Variants in CPXCR1 observed in about 807,000 individuals in gnomAD.
CPXCR1 encodes the protein CPX chromosome region candidate 1, also known as CPX chromosomal region candidate gene 1 protein.
A neutral mutation model predicts 13.8 loss-of-function variants in CPXCR1; 15 were observed. The observed-to-expected ratio is 1.09, with a 90% CI of 0.73 to 1.67. The LOEUF is 1.67. Ranked by LOEUF, CPXCR1 falls within the 40% of genes most tolerant of loss-of-function variation. The pLI is 0.00. For synonymous variants in CPXCR1, 70 were observed against 76.7 expected (o/e 0.91, Z 0.46); for missense variants, 247 against 223.6 (o/e 1.10, Z -0.67).
chrX:88,754,520 G>T lies in CPXCR1; in HGVS notation c.*200G>T. The stretch of plus-strand genomic sequence containing the variant: ...ATCTGTTTATACTTTGCTTTTACAA[G>T]TACATCATTGAAATATCAGACCTGT... On this transcript the variant is annotated 3_prime_UTR_variant, in exon 3 of 3. Transcript: ENST00000276127. The T allele has an allele frequency of 3.0e-6, 1 of 329,831 alleles. No individual in the cohort carries two copies. The highest frequency in any genetic ancestry group is 5.5e-6 in the Non-Finnish European group (1 of 183,427). The allele number at this position is 329,831 out of a possible 1,213,427, so 27.2% of individuals were successfully genotyped here. A position where few individuals can be genotyped will look rare whatever the true frequency, so the allele number is the denominator to read the frequency against.
intron 1 of CPXCR1, among the ~76,000 whole-genome samples, chrX:88,749,017 G>T (rs1483287923): frequency 9.5e-6 from 1 of 105,786 alleles, no homozygotes; most frequent in Non-Finnish European, 1.9e-5. Flanking sequence ...CCATGTTGGT[G>T]TGCTGCACCC....
chrX:88,753,760 A>G lies in CPXCR1; in HGVS notation c.346A>G (p.Lys116Glu). 1 of 1,210,364 alleles carries G rather than the reference A, an allele frequency of 8.3e-7. No individual in the cohort carries two copies. The highest frequency in any genetic ancestry group is 1.1e-6 in the Non-Finnish European group (1 of 894,629). ...LNDRSRSHSG[K>E]VEMKANNFPI... Reference sequence around the variant, plus strand: ...TGATAGATCAAGATCCCACTCAGGGAAAGTTGAGATGAAAGCAAACAATTT... The same window carrying G: ...TGATAGATCAAGATCCCACTCAGGGGAAGTTGAGATGAAAGCAAACAATTT... Residue 116 changes from lysine to glutamate, a missense_variant, in exon 3 of 3, where the codon AAA (lysine) becomes GAA (glutamate). Physicochemically the swap from Lys to Glu is moderately conservative, Grantham distance 56 (BLOSUM62 1). Transcript: ENST00000276127.
At chrX:88,748,968 G>GTTT (rs1569254230) in intron 1 of CPXCR1, among the ~76,000 whole-genome samples, 1 of 105,214 alleles carries the variant, frequency 9.5e-6, no homozygotes, top group African/African-American at 3.5e-5. Flanking sequence ...TAGGGTACAT[G>GTTT]TGCACAACAT....
intron 2 of CPXCR1, among the ~76,000 whole-genome samples, chrX:88,752,698 C>G (rs1924956542): frequency 9.1e-6 from 1 of 109,900 alleles, no homozygotes; most frequent in Non-Finnish European, 1.9e-5. Context: ...AGGCGCCCAC[C>G]ATTATGCCCA....
chrX:88,753,969 T>C lies in CPXCR1; in HGVS notation c.555T>C (p.Asn185=), dbSNP rs1380395936. ...ATATAGCATGTCTTTACCATCCAAA[T>C]AGTTTCACCCATCACGAGAGAGCCA... ...RKYIACLYHP[N]SFTHHERAIT... The change falls in exon 3 of 3, where the codon AAT becomes AAC. Residue 185 remains asparagine (N), a synonymous_variant. Transcript: ENST00000276127. 2.5e-6 allele frequency: 3 copies of C among 1,207,449 alleles called. No homozygotes were observed. In the African/African-American group the frequency reaches 5.3e-5, roughly 21 times the overall value.
intron 2 of CPXCR1, among the ~76,000 whole-genome samples, chrX:88,752,983 T>C (rs1320470959): frequency 2.7e-5 from 3 of 111,804 alleles, no homozygotes; most frequent in Non-Finnish European, 5.6e-5. Context: ...ACACTCATAA[T>C]ACCTTCCTCC....
intron 2 of CPXCR1, among the ~76,000 whole-genome samples, chrX:88,751,452 T>C (rs1337468288): frequency 8.9e-6 from 1 of 112,005 alleles, no homozygotes; most frequent in Non-Finnish European, 1.9e-5. Context: ...TGATTTCCTT[T>C]CTTTTGCATT....
At chrX:88,752,062 C>G (rs1217474286) in intron 2 of CPXCR1, among the ~76,000 whole-genome samples, 1 of 112,110 alleles carries the variant, frequency 8.9e-6, no homozygotes, top group Non-Finnish European at 1.9e-5. Context: ...CTTGCATTCG[C>G]CTTTCTCCAC....
chrX:88,749,226 C>G (rs753780879), intron 1 of CPXCR1, 92 bp from the exon 2 acceptor site: 3 of 108,551 alleles, frequency 2.8e-5, no homozygotes, highest in African/African-American at 1.0e-4. Context: ...CCCTACCAAA[C>G]AGCAGAGCAG....
chrX:88,748,843 CT>C (rs11333394), intron 1 of CPXCR1, among the ~76,000 whole-genome samples: 34,255 of 102,023 alleles, frequency 0.34, 6,363 homozygotes, highest in African/African-American at 0.68. Context: ...GTATTTTTTT[CT>C]TTTTTTTTTG....
Position 88,753,656 on chromosome X carries a change from G to A in CPXCR1, c.242G>A (p.Arg81Gln), listed in dbSNP as rs759085594. 217 of 1,206,188 alleles carry A rather than the reference G, an allele frequency of 1.8e-4. No homozygotes were observed. Among genetic ancestry groups the A allele is most frequent in the Non-Finnish European group, 2.2e-4 (201 of 893,707 alleles). Residue 81 changes from arginine (R) to glutamine (Q), a missense_variant, in exon 3 of 3, where the codon CGA becomes CAA. Arg to Gln is a conservative substitution (Grantham distance 43, BLOSUM62 1). Coordinates refer to ENST00000276127, the MANE Select transcript of CPXCR1 (RefSeq NM_033048.6). ...GAAACAGAGATCCAAAAAGATCAAC[G>A]AGAAGAAGATCTAAAAGAAGAGCTT... ...ELETEIQKDQ[R>Q]EEDLKEELLL...
intron 2 of CPXCR1, among the ~76,000 whole-genome samples, chrX:88,752,532 ATTTATTT>A (rs1924948694): frequency 2.1e-5 from 2 of 94,855 alleles, no homozygotes; most frequent in African/African-American, 1.0e-4. Flanking sequence ...CATTTTATTT[ATTTATTT>A]ATTTATTTAT....
Position 88,754,330 on chromosome X carries a change from G to A in CPXCR1, c.*10G>A. The A allele has an allele frequency of 9.9e-7, 1 of 1,010,720 alleles. No homozygotes were observed. Among genetic ancestry groups the A allele is most frequent in the Non-Finnish European group, 1.3e-6 (1 of 757,913 alleles). 83.3% of individuals were successfully genotyped at this position (1,010,720 alleles called of 1,213,427 possible). ...CTCTTCTGGGAATTAAATTAAATTG[G>A]GGTAAATTCATTTTAAAATATAACT... On this transcript the variant is annotated 3_prime_UTR_variant, in exon 3 of 3. Coordinates refer to ENST00000276127, the MANE Select transcript of CPXCR1 (RefSeq NM_033048.6).
Position 88,753,607 on chromosome X carries a change from C to T in CPXCR1, c.193C>T (p.Gln65Ter), listed in dbSNP as rs745903940. The T allele has an allele frequency of 2.9e-5, 35 of 1,207,014 alleles. No homozygotes were observed. The highest frequency in any genetic ancestry group is 3.9e-5 in the Non-Finnish European group (35 of 893,634). The change falls in exon 3 of 3, where the codon CAA becomes TAA. Residue 65 changes from glutamine to a stop codon, truncating the protein, a stop_gained. Transcript: ENST00000276127. LOFTEE classifies it high-confidence loss of function. ...TATSQEDVVPQAAENSELETE... is the reference protein window; with the variant it reads ...TATSQEDVVP Reference sequence around the variant, plus strand: ...AACCTCCCAGGAAGATGTTGTTCCTCAAGCAGCAGAAAACAGCGAGCTCGA... The same window carrying T: ...AACCTCCCAGGAAGATGTTGTTCCTTAAGCAGCAGAAAACAGCGAGCTCGA...
At chrX:88,750,684 T>C (rs1250661280) in intron 2 of CPXCR1, among the ~76,000 whole-genome samples, 2 of 111,734 alleles carry the variant, frequency 1.8e-5, no homozygotes, top group Non-Finnish European at 3.8e-5. Flanking sequence ...TAGAATTTGG[T>C]TGTGAATCTG....
At chrX:88,751,885 A>G (rs1833580483) in intron 2 of CPXCR1, among the ~76,000 whole-genome samples, 1 of 111,635 alleles carries the variant, frequency 9.0e-6, no homozygotes. Flanking sequence ...GACTGCAGTT[A>G]TGAGATAAGG....
At chrX:88,749,220 A>T (rs1924855205) in intron 1 of CPXCR1, 98 bp from the exon 2 acceptor site, 1 of 107,693 alleles carries the variant, frequency 9.3e-6, no homozygotes. Context: ...GGAAGACCCT[A>T]CCAAACAGCA....
At chrX:88,753,187 A>C (rs769938036) in intron 2 of CPXCR1, among the ~76,000 whole-genome samples, 53 of 111,690 alleles carry the variant, frequency 4.7e-4, no homozygotes, top group African/African-American at 1.7e-3. Flanking sequence ...CTGAAATTCC[A>C]TAATTAAGTT....
At position 88,754,379 on chromosome X, in the gene CPXCR1, T is replaced by G. The variant is rs979379353; in HGVS notation, c.*59T>G. ...CTTCTAAAATTCATAATTTGACTAC[T>G]AAAGTAAGACAAAATTGCATGAACA... On this transcript the variant is annotated 3_prime_UTR_variant, in exon 3 of 3. Transcript: ENST00000276127. 1 of 798,301 alleles carries G rather than the reference T, an allele frequency of 1.3e-6. No homozygotes were observed. Among genetic ancestry groups the G allele is most frequent in the African/African-American group, 2.1e-5 (1 of 47,056 alleles). 65.8% of individuals were successfully genotyped at this position (798,301 alleles called of 1,213,427 possible). A position where few individuals can be genotyped will look rare whatever the true frequency, so the allele number is the denominator to read the frequency against.
Sources: gnomAD v4.1 joint callset for allele counts (sites outside exome capture counted in the v4.1 genomes callset) on GRCh38, gnomAD v4.1.1 for gene constraint, MANE v1.5 for transcripts, NCBI Gene and HGNC (gene_info 2026-07-23, HGNC 2026-07-21) for gene names.